PDE1C: variants seen among roughly 807,000 people sequenced by gnomAD.
PDE1C encodes dual specificity calcium/calmodulin-dependent 3',5'-cyclic nucleotide phosphodiesterase 1C.
A neutral mutation model predicts 93.1 loss-of-function variants in PDE1C; 62 were observed. That is an observed-to-expected ratio of 0.67 (90% CI 0.54 to 0.82). The LOEUF (loss-of-function observed/expected upper bound fraction) is 0.82, where lower values mean the gene tolerates loss of function less well. Ranked by LOEUF, PDE1C falls within the 40% of genes least tolerant of loss-of-function variation. The probability of loss-of-function intolerance (pLI) is 0.00; values close to 1 mark genes in which losing one functional copy is unlikely to be tolerated. For synonymous variants in PDE1C, 325 were observed against 310.1 expected, an observed-to-expected ratio of 1.05 and a Z score of -0.50; for missense variants, 742 against 884.6, an observed-to-expected ratio of 0.84 and a Z score of 2.04.
At chr7:32,163,106 G>A (rs1419826635) in intron 3 of PDE1C, among the ~76,000 whole-genome samples, 2 of 152,198 alleles carry the variant, frequency 1.3e-5, no homozygotes, top group Non-Finnish European at 2.9e-5. Flanking sequence ...ATAACTCCAG[G>A]AAGGCAACAC....
chr7:31,689,921 C>T, the PDE1C span, among the ~76,000 whole-genome samples: 1 of 152,198 alleles, frequency 6.6e-6, no homozygotes, highest in Non-Finnish European at 1.5e-5. Flanking sequence ...TGGTTCACCA[C>T]CACCATTCTT....
At chr7:32,309,143 A>G (rs1003066479) in intron 1 of PDE1C, among the ~76,000 whole-genome samples, 4 of 151,784 alleles carry the variant, frequency 2.6e-5, no homozygotes, top group African/African-American at 4.8e-5. Flanking sequence ...GGAAGAAAGG[A>G]TATCAGTGAT....
intron 3 of PDE1C, among the ~76,000 whole-genome samples, chr7:32,169,346 C>T (rs778702727): frequency 6.6e-6 from 1 of 152,146 alleles, no homozygotes; most frequent in Non-Finnish European, 1.5e-5. Context: ...GCTTCATTTC[C>T]GTCAGCAGCA....
At chr7:31,724,970 A>G in the PDE1C span, among the ~76,000 whole-genome samples, 1 of 152,306 alleles carries the variant, frequency 6.6e-6, no homozygotes, top group East Asian at 1.9e-4. Flanking sequence ...AGACAGGAAA[A>G]TACCATTTAA....
chr7:32,312,143 C>T (rs75031635), intron 1 of PDE1C, among the ~76,000 whole-genome samples: 11,525 of 152,072 alleles, frequency 0.076, 504 homozygotes, highest in East Asian at 0.13. Context: ...CATGAGTGAA[C>T]TCCCATTTAC....
At chr7:31,804,876 A>G (rs1413710428) in intron 16 of PDE1C, among the ~76,000 whole-genome samples, 1 of 151,822 alleles carries the variant, frequency 6.6e-6, no homozygotes, top group Admixed American at 6.6e-5. Context: ...CTGGACAAAG[A>G]GATGATTCAC....
chr7:32,028,094 A>T (rs1374759511), intron 2 of PDE1C, among the ~76,000 whole-genome samples: 1 of 152,186 alleles, frequency 6.6e-6, no homozygotes, highest in Non-Finnish European at 1.5e-5. Context: ...TGAATTGCAG[A>T]CATAATTTAA....
intron 2 of PDE1C, among the ~76,000 whole-genome samples, chr7:32,180,596 C>A (rs1048251584): frequency 3.3e-5 from 5 of 152,202 alleles, no homozygotes; most frequent in African/African-American, 1.2e-4. Flanking sequence ...TCACCAGACA[C>A]TGAATCTGCC....
intron 3 of PDE1C, among the ~76,000 whole-genome samples, chr7:32,116,481 A>C (rs965149352): frequency 4.6e-5 from 7 of 152,208 alleles, no homozygotes; most frequent in Non-Finnish European, 1.0e-4. Flanking sequence ...TGTCAGATTT[A>C]TTCCAAGTAA....
chr7:32,083,161 A>T (rs1397954709), intron 3 of PDE1C, among the ~76,000 whole-genome samples: 1 of 152,176 alleles, frequency 6.6e-6, no homozygotes, highest in Non-Finnish European at 1.5e-5. Context: ...TGCTTAAAGG[A>T]GGATGAAGCT....
chr7:32,007,246 T>C (rs955620355), intron 2 of PDE1C, among the ~76,000 whole-genome samples: 2 of 152,212 alleles, frequency 1.3e-5, no homozygotes, highest in African/African-American at 2.4e-5. Context: ...TGTCTGTACA[T>C]AGGCCATGTG....
intron 2 of PDE1C, among the ~76,000 whole-genome samples, chr7:32,037,610 T>C (rs986087497): frequency 6.6e-6 from 1 of 152,188 alleles, no homozygotes; most frequent in African/African-American, 2.4e-5. Context: ...ACCCCCAAAC[T>C]AAGCAGATGT....
intron 1 of PDE1C, among the ~76,000 whole-genome samples, chr7:32,363,169 G>A (rs1784167904): frequency 6.6e-6 from 1 of 152,152 alleles, no homozygotes; most frequent in African/African-American, 2.4e-5. Flanking sequence ...TTTAGAAAGG[G>A]GGCATATTTA....
At chr7:32,267,138 C>T (rs1810635296) in intron 1 of PDE1C, among the ~76,000 whole-genome samples, 1 of 152,222 alleles carries the variant, frequency 6.6e-6, no homozygotes, top group South Asian at 2.1e-4. Context: ...AGCGGCGGCC[C>T]CTGGCCAATG....
chr7:32,333,154 G>C (rs1272845667), intron 1 of PDE1C, among the ~76,000 whole-genome samples: 2 of 152,206 alleles, frequency 1.3e-5, no homozygotes, highest in East Asian at 1.9e-4. Context: ...GTCATAGCCA[G>C]AGAGTCAGTG....
At chr7:32,012,184 G>A (rs906543399) in intron 2 of PDE1C, among the ~76,000 whole-genome samples, 3 of 152,210 alleles carry the variant, frequency 2.0e-5, no homozygotes, top group African/African-American at 7.2e-5. Context: ...TCTGCAGGCT[G>A]TACAGGAAGC....
At position 32,184,153 on chromosome 7, in the gene PDE1C, T is replaced by C. The variant is rs571214628; in HGVS notation, c.137-14197A>G. Among the ~76,000 whole-genome samples the C allele has an allele frequency of 3.9e-5, 6 of 152,334 alleles. No individual in the cohort carries two copies. In the East Asian group the frequency reaches 7.7e-4, roughly 20 times the overall value. On this transcript the variant is annotated intron_variant, in intron 2 of 18. Coordinates refer to the PDE1C transcript ENST00000396193. ...CATTAAAAAGTCAGGAAACAACTGG[T>C]GCTGGAGAGGATGTGGAGAAATAGG...
chr7:31,636,582 C>T, the PDE1C span, among the ~76,000 whole-genome samples: 1 of 152,012 alleles, frequency 6.6e-6, no homozygotes, highest in South Asian at 2.1e-4. Flanking sequence ...CTTTGGTTCC[C>T]CTAATGCCTA....
At chr7:32,269,105 T>C (rs17161127) in intron 1 of PDE1C, among the ~76,000 whole-genome samples, 16,378 of 152,310 alleles carry the variant, frequency 0.11, 1,159 homozygotes, top group East Asian at 0.3. Flanking sequence ...AGATGCCCAC[T>C]AAATGTTCAC....
Sources: gnomAD v4.1 joint callset for allele counts (sites outside exome capture counted in the v4.1 genomes callset) on GRCh38, gnomAD v4.1.1 for gene constraint, MANE v1.5 for transcripts, NCBI Gene and HGNC (gene_info 2026-07-23, HGNC 2026-07-21) for gene names.